The following WWOX variants were observed in gnomAD, a reference collection of about 807,000 sequenced individuals.
WWOX encodes WW domain-containing oxidoreductase.
Under a neutral mutation model 46.2 loss-of-function variants are expected in WWOX, and 69 were observed. The observed-to-expected ratio is 1.49, with a 90% CI of 1.23 to 1.82. WWOX has a LOEUF of 1.82. WWOX is among the 40% of genes most tolerant of loss of function. WWOX has a pLI of 0.00. For missense variants in WWOX, 919 were observed against 542.6 expected (o/e 1.69, Z -6.89); for synonymous variants, 359 against 202.6 (o/e 1.77, Z -6.56).
chr16:78,100,169 G>T, intron 1 of WWOX: 2 of 1,279,370 alleles, frequency 1.6e-6, no homozygotes, highest in African/African-American at 1.6e-5. Context: ...CCTCATCCCC[G>T]CCAAAAAATA....
At chr16:78,623,186 A>G (rs1056080921) in intron 8 of WWOX, among the ~76,000 whole-genome samples, 10 of 151,886 alleles carry the variant, frequency 6.6e-5, no homozygotes, top group African/African-American at 2.2e-4. Flanking sequence ...CTCCTATCCT[A>G]TGGAAGCTTT....
At chr16:78,640,679 C>T (rs968649516) in intron 8 of WWOX, among the ~76,000 whole-genome samples, 6 of 152,114 alleles carry the variant, frequency 3.9e-5, no homozygotes, top group African/African-American at 9.7e-5. Context: ...TGGCTCACGC[C>T]TGTAATCCTA....
chr16:78,337,689 A>G (rs996818835), intron 5 of WWOX, among the ~76,000 whole-genome samples: 1 of 152,008 alleles, frequency 6.6e-6, no homozygotes, highest in Non-Finnish European at 1.5e-5. Context: ...TTCCCCAGCA[A>G]AGTCCTTCTG....
Position 78,650,334 on chromosome 16 carries a change from T to TA in WWOX, c.1056+217583dup, listed in dbSNP as rs563434553. Among the ~76,000 whole-genome samples, 6 of 151,854 alleles carry TA rather than the reference T, an allele frequency of 4.0e-5. No individual in the cohort carries two copies. In the South Asian group the frequency reaches 1.0e-3, roughly 26 times the overall value. On this transcript the variant is annotated intron_variant, in intron 8 of 8. Coordinates refer to ENST00000566780, the MANE Select transcript of WWOX (RefSeq NM_016373.4). ...AATAACATACTGCTGTCTGTAAAAA[T>TA]ACAGATAATTTCTCTCTTAAATTCC...
chr16:78,997,115 A>G (rs116495185), intron 8 of WWOX, among the ~76,000 whole-genome samples: 2,069 of 151,252 alleles, frequency 0.014, 50 homozygotes, highest in African/African-American at 0.047. Context: ...TCTTCAATGT[A>G]GACATATGTT....
intron 8 of WWOX, among the ~76,000 whole-genome samples, chr16:78,469,919 A>T (rs995502575): frequency 6.6e-6 from 1 of 152,244 alleles, no homozygotes; most frequent in Non-Finnish European, 1.5e-5. Flanking sequence ...TGTAACTGAA[A>T]TTCTCAGGGA....
intron 8 of WWOX, among the ~76,000 whole-genome samples, chr16:78,439,914 C>A (rs994674563): frequency 6.6e-6 from 1 of 152,200 alleles, no homozygotes; most frequent in Non-Finnish European, 1.5e-5. Flanking sequence ...GGATGAGGCT[C>A]CTCATTGCAT....
intron 8 of WWOX, among the ~76,000 whole-genome samples, chr16:78,529,656 A>G (rs1043561966): frequency 6.6e-6 from 1 of 151,536 alleles, no homozygotes; most frequent in African/African-American, 2.4e-5. Flanking sequence ...TTTAGTAGAG[A>G]TGGGGTTTCA....
chr16:78,525,040 A>C (rs965801478), intron 8 of WWOX: 20 of 148,706 alleles, frequency 1.3e-4, no homozygotes, highest in African/African-American at 4.7e-4. Context: ...TACTTGTTTA[A>C]TTTTTTGCAG....
intron 8 of WWOX, among the ~76,000 whole-genome samples, chr16:78,867,160 A>G (rs941489932): frequency 2.0e-5 from 3 of 152,144 alleles, no homozygotes; most frequent in Admixed American, 1.3e-4. Flanking sequence ...AGAAAAGTGG[A>G]GAAGATGAGA....
chr16:78,909,518 C>T (rs1043837290), intron 8 of WWOX, among the ~76,000 whole-genome samples: 4 of 152,144 alleles, frequency 2.6e-5, no homozygotes, highest in African/African-American at 9.7e-5. Flanking sequence ...TCCTCTAGGT[C>T]CCACGTGCCT....
At chr16:78,885,717 G>A (rs184860317) in intron 8 of WWOX, among the ~76,000 whole-genome samples, 95 of 152,116 alleles carry the variant, frequency 6.2e-4, no homozygotes, top group African/African-American at 2.1e-3. Context: ...AATATCTCAC[G>A]AATGGCAGAA....
chr16:78,376,154 C>G (rs546357767), intron 5 of WWOX, among the ~76,000 whole-genome samples: 21 of 152,214 alleles, frequency 1.4e-4, no homozygotes, highest in African/African-American at 4.8e-4. Context: ...CCAGCCGCTT[C>G]TCGTAGATAC....
chr16:78,907,317 G>A (rs35731892), intron 8 of WWOX, among the ~76,000 whole-genome samples: 8,362 of 152,174 alleles, frequency 0.055, 500 homozygotes, highest in African/African-American at 0.15. Flanking sequence ...ATTTCAGAAG[G>A]CCAACCTTAG....
chr16:78,657,130 G>C (rs1396966091), intron 8 of WWOX, among the ~76,000 whole-genome samples: 3 of 152,130 alleles, frequency 2.0e-5, no homozygotes, highest in Non-Finnish European at 4.4e-5. Flanking sequence ...TTTGGCCCCT[G>C]CGTCACCTTC....
chr16:78,466,627 C>G (rs374834066), intron 8 of WWOX, among the ~76,000 whole-genome samples: 44 of 152,048 alleles, frequency 2.9e-4, no homozygotes, highest in African/African-American at 8.9e-4. Flanking sequence ...GTCAGGAGTT[C>G]GAGATCAGCC....
chr16:79,055,039 A>C (rs1456661417), intron 8 of WWOX, among the ~76,000 whole-genome samples: 1 of 152,196 alleles, frequency 6.6e-6, no homozygotes, highest in Non-Finnish European at 1.5e-5. Context: ...CATGGAGTTT[A>C]TATATTTCGT....
intron 5 of WWOX, among the ~76,000 whole-genome samples, chr16:78,261,865 T>C (rs2079251275): frequency 6.7e-6 from 1 of 149,592 alleles, no homozygotes; most frequent in Non-Finnish European, 1.5e-5. Context: ...TTCACATTTT[T>C]CTCCACCAAT....
At chr16:79,166,963 A>T (rs2050606491) in intron 8 of WWOX, among the ~76,000 whole-genome samples, 1 of 151,934 alleles carries the variant, frequency 6.6e-6, no homozygotes, top group African/African-American at 2.4e-5. Flanking sequence ...TTTTTTTGAG[A>T]CAGAGCCTTG....
Sources: allele counts gnomAD v4.1 joint callset (sites outside exome capture counted in the v4.1 genomes callset), GRCh38; gene constraint gnomAD v4.1.1; transcripts MANE v1.5; gene names NCBI Gene and HGNC (gene_info 2026-07-23, HGNC 2026-07-21).